The following CSMD3 variants were observed in gnomAD, a reference collection of about 807,000 sequenced individuals.
CSMD3 encodes CUB and Sushi multiple domains 3.
A neutral mutation model predicts 435.2 loss-of-function variants in CSMD3; 177 were observed. The observed-to-expected ratio is 0.41, with a 90% CI of 0.36 to 0.46. CSMD3 has a LOEUF of 0.46. CSMD3 is among the 20% of genes least tolerant of loss of function. The probability of loss-of-function intolerance (pLI) is 0.34; values close to 1 mark genes in which losing one functional copy is unlikely to be tolerated. For synonymous variants in CSMD3, 1,656 were observed against 1,520.5 expected, an observed-to-expected ratio of 1.09 and a Z score of -2.07; for missense variants, 4,265 against 4,504.6, an observed-to-expected ratio of 0.95 and a Z score of 1.52.
intron 24 of CSMD3, among the ~76,000 whole-genome samples, chr8:112,567,076 G>C (rs1192022577): frequency 3.3e-5 from 5 of 152,074 alleles, no homozygotes; most frequent in African/African-American, 1.2e-4. Flanking sequence ...GGCATGAGAT[G>C]ATGAACCCCG....
chr8:112,339,042 A>T (rs959751537), intron 42 of CSMD3, among the ~76,000 whole-genome samples: 15 of 152,134 alleles, frequency 9.9e-5, no homozygotes, highest in African/African-American at 3.6e-4. Context: ...AACTTCCTCA[A>T]ACTAAATTGA....
chr8:112,243,235 T>TAA (rs5894078), intron 65 of CSMD3, among the ~76,000 whole-genome samples: 5,968 of 148,926 alleles, frequency 0.04, 365 homozygotes, highest in African/African-American at 0.14. Context: ...ATTTCAATCA[T>TAA]AAAAAAAAAA....
intron 9 of CSMD3, among the ~76,000 whole-genome samples, chr8:112,931,975 T>C (rs961492862): frequency 1.3e-5 from 2 of 152,078 alleles, no homozygotes; most frequent in African/African-American, 2.4e-5. Context: ...GGAGGAAAGG[T>C]AACTCTTACA....
rs73348211 is a variant in CSMD3, at chr8:113,228,887, T to C, written c.514+49705A>G. On this transcript the variant is annotated intron_variant, in intron 3 of 70. Coordinates refer to ENST00000297405, the MANE Select transcript of CSMD3 (RefSeq NM_198123.2). ...CTGACGTGTATAAGGCCTCAAAGCATTTTCTTCCTACTCCATATAATTTAG... is the reference window on the plus strand; with the variant it reads ...CTGACGTGTATAAGGCCTCAAAGCACTTTCTTCCTACTCCATATAATTTAG... Among the ~76,000 whole-genome samples, 531 of 151,652 alleles carry C rather than the reference T, an allele frequency of 3.5e-3. 2 individuals are homozygous for C. Among genetic ancestry groups the C allele is most frequent in the African/African-American group, 0.012 (494 of 41,474 alleles).
intron 12 of CSMD3, among the ~76,000 whole-genome samples, chr8:112,823,847 C>T (rs1221275606): frequency 6.6e-6 from 1 of 152,144 alleles, no homozygotes; most frequent in African/African-American, 2.4e-5. Context: ...CCACTTGATC[C>T]ATAGATCAAT....
chr8:113,187,770 A>AACT (rs939553018), intron 3 of CSMD3, among the ~76,000 whole-genome samples: 7 of 152,126 alleles, frequency 4.6e-5, no homozygotes, highest in African/African-American at 1.7e-4. Flanking sequence ...TTTAAAGGTT[A>AACT]ACTACCCTTT....
intron 28 of CSMD3, among the ~76,000 whole-genome samples, chr8:112,508,031 GC>G (rs1193103638): frequency 1.6e-4 from 25 of 151,980 alleles, no homozygotes; most frequent in Non-Finnish European, 3.2e-4. Context: ...AAGCTTAAAT[GC>G]CTCCTGAATA....
intron 3 of CSMD3, among the ~76,000 whole-genome samples, chr8:113,248,939 T>A (rs1444552835): frequency 6.6e-6 from 1 of 152,002 alleles, no homozygotes; most frequent in African/African-American, 2.4e-5. Flanking sequence ...ATATGATATA[T>A]TAAGTCATTG....
intron 5 of CSMD3, among the ~76,000 whole-genome samples, chr8:113,036,429 G>A (rs1369839731): frequency 6.6e-6 from 1 of 151,856 alleles, no homozygotes; most frequent in Non-Finnish European, 1.5e-5. Flanking sequence ...AAATGTAACA[G>A]CTTCAGGTTT....
At chr8:112,897,459 T>C (rs1425102896) in intron 10 of CSMD3, among the ~76,000 whole-genome samples, 1 of 151,280 alleles carries the variant, frequency 6.6e-6, no homozygotes, top group Non-Finnish European at 1.5e-5. Context: ...AGTCTAGATA[T>C]CTACCTGTAT....
intron 1 of CSMD3, among the ~76,000 whole-genome samples, chr8:113,320,073 G>A (rs1172604425): frequency 1.3e-5 from 2 of 151,960 alleles, no homozygotes; most frequent in East Asian, 3.9e-4. Context: ...TTAGGCCATT[G>A]CTACAAAATA....
intron 32 of CSMD3, among the ~76,000 whole-genome samples, chr8:112,453,728 C>T (rs1816534987): frequency 6.6e-6 from 1 of 152,088 alleles, no homozygotes; most frequent in South Asian, 2.1e-4. Context: ...CATAAAAGTA[C>T]CAATGTCATT....
chr8:113,262,788 T>C (rs2093437780), intron 3 of CSMD3, among the ~76,000 whole-genome samples: 2 of 151,980 alleles, frequency 1.3e-5, no homozygotes, highest in Admixed American at 1.3e-4. Context: ...GCAATCAGTA[T>C]GGTTGAAAGA....
At chr8:112,709,279 A>C (rs2076561731) in intron 13 of CSMD3, among the ~76,000 whole-genome samples, 1 of 152,150 alleles carries the variant, frequency 6.6e-6, no homozygotes. Flanking sequence ...AAAATTATTT[A>C]ATGGCCCATT....
intron 5 of CSMD3, among the ~76,000 whole-genome samples, chr8:113,089,789 C>T (rs1375452728): frequency 6.6e-6 from 1 of 152,022 alleles, no homozygotes; most frequent in Admixed American, 6.6e-5. Flanking sequence ...TGTCTGCTTT[C>T]TCGAGAACTG....
intron 35 of CSMD3, among the ~76,000 whole-genome samples, chr8:112,393,432 C>T (rs1251026715): frequency 6.6e-6 from 1 of 152,142 alleles, no homozygotes; most frequent in Non-Finnish European, 1.5e-5. Context: ...GTTAAGTGTC[C>T]TGTAGTTTAC....
At chr8:112,323,931 G>A (rs997978837) in intron 45 of CSMD3, among the ~76,000 whole-genome samples, 2 of 151,954 alleles carry the variant, frequency 1.3e-5, no homozygotes, top group Admixed American at 1.3e-4. Flanking sequence ...ATTTCATAGT[G>A]GTTGAATTAT....
intron 24 of CSMD3, among the ~76,000 whole-genome samples, chr8:112,568,019 G>C (rs2131277822): frequency 6.6e-6 from 1 of 152,224 alleles, no homozygotes; most frequent in East Asian, 1.9e-4. Context: ...TAATTGTTTT[G>C]AGAATAATGA....
intron 31 of CSMD3, among the ~76,000 whole-genome samples, chr8:112,491,150 G>T (rs1386203649): frequency 6.6e-6 from 1 of 152,096 alleles, no homozygotes; most frequent in Non-Finnish European, 1.5e-5. Flanking sequence ...ATTCTTATAA[G>T]TGAATACATT....
Sources: allele counts gnomAD v4.1 joint callset (sites outside exome capture counted in the v4.1 genomes callset), GRCh38; gene constraint gnomAD v4.1.1; transcripts MANE v1.5; gene names NCBI Gene and HGNC (gene_info 2026-07-23, HGNC 2026-07-21).